Variants in CDKL4 observed in about 807,000 individuals in gnomAD.
The protein encoded by CDKL4 is cyclin dependent kinase like 4, also known as cyclin-dependent kinase-like 4.
CDKL4 carries 44 observed loss-of-function variants against 42.0 expected under a neutral mutation model. The observed-to-expected ratio is 1.05, with a 90% confidence interval of 0.82 to 1.35. The LOEUF is 1.35. Ranked by LOEUF, CDKL4 falls within the 40% of genes most tolerant of loss-of-function variation. The pLI is 0.00. For synonymous variants in CDKL4, 120 were observed against 121.6 expected (o/e 0.99, Z 0.09); for missense variants, 393 against 369.9 (o/e 1.06, Z -0.51).
chr2:39,236,150 A>G (rs1283165345), intron 1 of CDKL4, among the ~76,000 whole-genome samples: 1 of 148,150 alleles, frequency 6.7e-6, no homozygotes, highest in Non-Finnish European at 1.5e-5. Flanking sequence ...TGGAAATTTT[A>G]GAGTAAAAAA....
chr2:39,189,713 C>T (rs947618372), intron 6 of CDKL4, among the ~76,000 whole-genome samples: 11 of 152,004 alleles, frequency 7.2e-5, no homozygotes, highest in Admixed American at 3.9e-4. Flanking sequence ...TATTGTTGCA[C>T]GTGAAAACTA....
intron 4 of CDKL4, among the ~76,000 whole-genome samples, chr2:39,209,119 A>C (rs1287571161): frequency 2.0e-5 from 3 of 150,776 alleles, no homozygotes; most frequent in Non-Finnish European, 4.4e-5. Flanking sequence ...TGGGCAACAC[A>C]ATGAGACTAT....
intron 1 of CDKL4, among the ~76,000 whole-genome samples, chr2:39,240,097 A>T (rs1170391308): frequency 6.7e-6 from 1 of 150,268 alleles, no homozygotes; most frequent in East Asian, 2.0e-4. Context: ...CTCAAAAAAA[A>T]GTTAAACACA....
chr2:39,180,478 C>A (rs1039086728), intron 8 of CDKL4, among the ~76,000 whole-genome samples: 2 of 152,112 alleles, frequency 1.3e-5, no homozygotes, highest in African/African-American at 2.4e-5. Flanking sequence ...TGTCACCTGG[C>A]CCTTGGCGAG....
chr2:39,236,478 T>C (rs939331397), intron 1 of CDKL4, among the ~76,000 whole-genome samples: 3 of 152,016 alleles, frequency 2.0e-5, no homozygotes, highest in African/African-American at 7.2e-5. Context: ...CCAAATAGGA[T>C]AAACACAAAG....
chr2:39,228,518 T>C (rs967162023), intron 2 of CDKL4, among the ~76,000 whole-genome samples: 2 of 152,166 alleles, frequency 1.3e-5, no homozygotes, highest in African/African-American at 2.4e-5. Context: ...AAAATGAAGG[T>C]TGCCTGTGTG....
chr2:39,178,988 T>C, intron 9 of CDKL4, 199 bp downstream of exon 9: 1 of 1,421,638 alleles, frequency 7.0e-7, no homozygotes, highest in Non-Finnish European at 9.1e-7. Context: ...TGGAATAAGA[T>C]TTTTGCAATA....
chr2:39,178,316 G>A (rs6710989), intron 9 of CDKL4, among the ~76,000 whole-genome samples: 145,943 of 152,308 alleles, frequency 0.96, 70,272 homozygotes, highest in East Asian at 1. Context: ...ATGAGAAGAC[G>A]AATGACTGAA....
At chr2:39,187,958 C>T (rs753979854) in intron 6 of CDKL4, among the ~76,000 whole-genome samples, 1 of 151,870 alleles carries the variant, frequency 6.6e-6, no homozygotes, top group Non-Finnish European at 1.5e-5. Flanking sequence ...ATCCCAGCTA[C>T]TCAGGAGGCT....
chr2:39,170,520 G>A, the CDKL4 span, among the ~76,000 whole-genome samples: 2 of 151,920 alleles, frequency 1.3e-5, no homozygotes, highest in South Asian at 2.1e-4. Flanking sequence ...GCAAAGGCAC[G>A]ATCTTGGCTC....
chr2:39,179,494 C>T (rs779640028), intron 8 of CDKL4, among the ~76,000 whole-genome samples, 173 bp from the exon 9 acceptor site: 8 of 152,212 alleles, frequency 5.3e-5, no homozygotes, highest in Non-Finnish European at 1.0e-4. Context: ...CTTTTTCCTA[C>T]TTCAAAGTCT....
chr2:39,222,801 G>A (rs2148376332), intron 3 of CDKL4, among the ~76,000 whole-genome samples: 2 of 152,150 alleles, frequency 1.3e-5, no homozygotes, highest in South Asian at 2.1e-4. Flanking sequence ...AACAATACAT[G>A]AAGTAAGCAT....
At chr2:39,210,959 A>T (rs901576847) in intron 4 of CDKL4, among the ~76,000 whole-genome samples, 2 of 152,228 alleles carry the variant, frequency 1.3e-5, no homozygotes, top group African/African-American at 2.4e-5. Flanking sequence ...ATTGAAATGT[A>T]TTCTCATGAT....
intron 3 of CDKL4, among the ~76,000 whole-genome samples, chr2:39,216,088 C>T (rs984750248): frequency 6.6e-6 from 1 of 152,188 alleles, no homozygotes; most frequent in African/African-American, 2.4e-5. Context: ...TATGCTGCTT[C>T]CTACTTTATA....
At chr2:39,196,767 C>A (rs1244284799) in intron 5 of CDKL4, among the ~76,000 whole-genome samples, 2 of 152,126 alleles carry the variant, frequency 1.3e-5, no homozygotes, top group African/African-American at 4.8e-5. Flanking sequence ...GCTGCCACGC[C>A]CGGCTAATTT....
chr2:39,183,804 C>T (rs1279503924), intron 8 of CDKL4, among the ~76,000 whole-genome samples: 3 of 152,040 alleles, frequency 2.0e-5, no homozygotes, highest in African/African-American at 7.2e-5. Context: ...AGTCTGAGAG[C>T]ACAGGGGTAT....
intron 2 of CDKL4, among the ~76,000 whole-genome samples, chr2:39,226,321 A>C (rs1678708142): frequency 6.6e-6 from 1 of 151,076 alleles, no homozygotes; most frequent in Non-Finnish European, 1.5e-5. Context: ...TCTGGATTCT[A>C]GTGTTGACTC....
chr2:39,222,348 G>C (rs1678425084), intron 3 of CDKL4, among the ~76,000 whole-genome samples: 1 of 152,148 alleles, frequency 6.6e-6, no homozygotes, highest in Non-Finnish European at 1.5e-5. Flanking sequence ...CTAGCACTTT[G>C]GGAGGCTGAG....
chr2:39,213,718 T>C (rs1677729806), intron 3 of CDKL4, among the ~76,000 whole-genome samples: 1 of 149,232 alleles, frequency 6.7e-6, no homozygotes, highest in Admixed American at 6.7e-5. Flanking sequence ...ATTCAAAAAA[T>C]ATAGAAAAGT....
Sources: gnomAD v4.1 joint callset for allele counts (sites outside exome capture counted in the v4.1 genomes callset) on GRCh38, gnomAD v4.1.1 for gene constraint, MANE v1.5 for transcripts, NCBI Gene and HGNC (gene_info 2026-07-23, HGNC 2026-07-21) for gene names.